Variants in XKR9 observed in about 807,000 individuals in gnomAD.
The protein encoded by XKR9 is XK related 9.
A neutral mutation model predicts 32.0 loss-of-function variants in XKR9; 32 were observed. The ratio of observed to expected loss-of-function variants is 1.00; its 90% CI spans 0.76 to 1.34. The LOEUF (loss-of-function observed/expected upper bound fraction) is 1.34, where lower values mean the gene tolerates loss of function less well. Among genes scored for constraint, XKR9 ranks in the 40% most tolerant of loss-of-function variants. The pLI is 0.00. For synonymous variants in XKR9, 168 were observed against 143.4 expected (o/e 1.17, Z -1.22); for missense variants, 546 against 429.7 (o/e 1.27, Z -2.39).
chr8:70,805,050 G>A, the XKR9 span, among the ~76,000 whole-genome samples: 1 of 152,142 alleles, frequency 6.6e-6, no homozygotes, highest in Non-Finnish European at 1.5e-5. Flanking sequence ...ACCATAATAA[G>A]CATGTAAATC....
chr8:71,013,117 G>A, the XKR9 span, among the ~76,000 whole-genome samples: 1 of 152,084 alleles, frequency 6.6e-6, no homozygotes, highest in African/African-American at 2.4e-5. Flanking sequence ...AAATAATTGC[G>A]GTAGAACTTA....
the XKR9 span, among the ~76,000 whole-genome samples, chr8:70,857,668 A>T: frequency 6.6e-6 from 1 of 152,206 alleles, no homozygotes; most frequent in African/African-American, 2.4e-5. Flanking sequence ...ACAAAAAAAG[A>T]GAATTTTAGA....
the XKR9 span, among the ~76,000 whole-genome samples, chr8:70,994,389 G>T: frequency 2.6e-5 from 4 of 152,086 alleles, no homozygotes; most frequent in African/African-American, 9.6e-5. Context: ...AGAATTCTAG[G>T]TTTGGTGACT....
the XKR9 span, among the ~76,000 whole-genome samples, chr8:70,996,908 C>T: frequency 6.6e-6 from 1 of 152,210 alleles, no homozygotes; most frequent in South Asian, 2.1e-4. Context: ...CAAGAAGAAT[C>T]TGAACAAACA....
In XKR9 at chr8:70,724,256, C is replaced by T. The variant is rs1806383816; in HGVS notation, c.494-9540C>T. On this transcript the variant is annotated intron_variant, in intron 4 of 4. Coordinates refer to ENST00000408926, the MANE Select transcript of XKR9 (RefSeq NM_001011720.2). ...CTGCACCAAGCTTGATCATCCAGGT[C>T]GACTTCAGACTGCTATGCTGGCAGC... is the stretch of plus-strand genomic sequence containing the variant. Among the ~76,000 whole-genome samples, 11 of 152,204 alleles carry T rather than the reference C, an allele frequency of 7.2e-5. No homozygotes were observed. The South Asian group carries it at 1.9e-3, about 26-fold the overall frequency.
chr8:70,963,353 T>C, the XKR9 span, among the ~76,000 whole-genome samples: 1 of 152,244 alleles, frequency 6.6e-6, no homozygotes, highest in South Asian at 2.1e-4. Flanking sequence ...ACATTTCCTT[T>C]ATCCAGTCTA....
intron 2 of XKR9, among the ~76,000 whole-genome samples, chr8:70,749,649 C>T (rs760660179): frequency 6.6e-6 from 1 of 152,238 alleles, no homozygotes; most frequent in Non-Finnish European, 1.5e-5. Flanking sequence ...GCCTGGCTCA[C>T]CCTTGGCAGG....
the XKR9 span, among the ~76,000 whole-genome samples, chr8:70,815,963 T>A: frequency 6.6e-6 from 1 of 152,186 alleles, no homozygotes; most frequent in Non-Finnish European, 1.5e-5. Context: ...TACACATGCA[T>A]GTGTCTTTAT....
the XKR9 span, among the ~76,000 whole-genome samples, chr8:70,902,253 A>G: frequency 6.6e-6 from 1 of 152,154 alleles, no homozygotes; most frequent in Admixed American, 6.5e-5. Context: ...CAGTATGGCC[A>G]TTTTCACAAG....
At chr8:70,728,961 A>G (rs11989644) in intron 4 of XKR9, among the ~76,000 whole-genome samples, 80,997 of 151,924 alleles carry the variant, frequency 0.53, 22,594 homozygotes, top group Middle Eastern at 0.62. Context: ...AGGATAACTC[A>G]GGGCTCCTAG....
the XKR9 span, among the ~76,000 whole-genome samples, chr8:70,936,629 C>G: frequency 0.39 from 59,221 of 151,768 alleles, 13,199 homozygotes; most frequent in Non-Finnish European, 0.51. Flanking sequence ...TTTCTAAATG[C>G]GATGACTATT....
the XKR9 span, among the ~76,000 whole-genome samples, chr8:70,950,823 A>G: frequency 1.3e-5 from 2 of 151,760 alleles, no homozygotes; most frequent in African/African-American, 2.4e-5. Context: ...ACAGGCACCC[A>G]CCACCATGCC....
chr8:70,738,368 T>G (rs1806902039), downstream of XKR9, among the ~76,000 whole-genome samples: 1 of 148,140 alleles, frequency 6.8e-6, no homozygotes, highest in Admixed American at 6.7e-5. Context: ...CTTTTCTTCT[T>G]TATTAGTCTT....
At chr8:70,774,825 G>A (rs1302545508) in intron 2 of XKR9, among the ~76,000 whole-genome samples, 2 of 152,076 alleles carry the variant, frequency 1.3e-5, no homozygotes, top group Non-Finnish European at 2.9e-5. Flanking sequence ...TGCAAGCCCT[G>A]CAACTTTGTT....
the XKR9 span, among the ~76,000 whole-genome samples, chr8:70,999,097 G>A: frequency 3.5e-4 from 53 of 152,138 alleles, 2 homozygotes; most frequent in Middle Eastern, 0.014. Context: ...CTCTTGCATA[G>A]GGAATGCCTA....
intron 2 of XKR9, among the ~76,000 whole-genome samples, chr8:70,768,574 T>C (rs1807409599): frequency 6.6e-6 from 1 of 151,710 alleles, no homozygotes; most frequent in South Asian, 2.1e-4. Context: ...TTGTCTAGTA[T>C]GTCTCTAAAA....
the XKR9 span, among the ~76,000 whole-genome samples, chr8:70,832,561 C>T: frequency 3.3e-5 from 5 of 152,138 alleles, no homozygotes; most frequent in South Asian, 4.1e-4. Flanking sequence ...GCAGGGTTTT[C>T]AACATAAAGT....
Position 70,692,221 on chromosome 8 carries a change from T to G in XKR9, c.272+10891T>G, listed in dbSNP as rs543465619. On this transcript the variant is annotated intron_variant, in intron 3 of 4. Transcript: ENST00000408926. ...TTTCTTATTTGGCTCTCAGTTTGGT[T>G]GTTGTTGGTGCACAGGAATGCTAGT... Among the ~76,000 whole-genome samples, 126 of 152,178 alleles carry G rather than the reference T, an allele frequency of 8.3e-4. 3 individuals are homozygous for G. Among genetic ancestry groups the G allele is most frequent in the South Asian group, 7.9e-3 (38 of 4,824 alleles).
Position 70,680,986 on chromosome 8 carries a change from A to G in XKR9, c.-73A>G, listed in dbSNP as rs886222279. Reference sequence around the variant, plus strand: ...CAATGCTATACCAAAGGGTATACTAATATTTGTTTGGCTTTTTTTCCCTTT... The same window carrying G: ...CAATGCTATACCAAAGGGTATACTAGTATTTGTTTGGCTTTTTTTCCCTTT... On this transcript the variant is annotated 5_prime_UTR_variant, in exon 3 of 5. It removes the in-frame stop codon of an upstream open reading frame in the 5' UTR. Transcript: ENST00000408926. The G allele has an allele frequency of 7.0e-7, 1 of 1,431,328 alleles. No individual in the cohort carries two copies. Among genetic ancestry groups the G allele is most frequent in the Non-Finnish European group, 9.5e-7 (1 of 1,052,916 alleles). The allele number at this position is 1,431,328 out of a possible 1,614,324, so 88.7% of individuals were successfully genotyped here. A position where few individuals can be genotyped will look rare whatever the true frequency, so the allele number is the denominator to read the frequency against.
Sources: allele counts gnomAD v4.1 joint callset (sites outside exome capture counted in the v4.1 genomes callset), GRCh38; gene constraint gnomAD v4.1.1; transcripts MANE v1.5; gene names NCBI Gene and HGNC (gene_info 2026-07-23, HGNC 2026-07-21).